Variants in TPTE2 observed in about 807,000 individuals in gnomAD.
TPTE2 encodes the protein transmembrane phosphoinositide 3-phosphatase and tensin homolog 2, also known as phosphatidylinositol 3,4,5-trisphosphate 3-phosphatase TPTE2.
A neutral mutation model predicts 78.6 loss-of-function variants in TPTE2; 53 were observed. The ratio of observed to expected loss-of-function variants is 0.67; its 90% CI spans 0.54 to 0.85. The LOEUF is 0.85. TPTE2 is among the 40% of genes least tolerant of loss of function. The probability of loss-of-function intolerance (pLI) is 0.00; values close to 1 mark genes in which losing one functional copy is unlikely to be tolerated. For synonymous variants in TPTE2, 175 were observed against 206.2 expected (o/e 0.85, Z 1.30); for missense variants, 461 against 623.0 (o/e 0.74, Z 2.77).
At chr13:19,500,069 C>T (rs1477666206) in intron 1 of TPTE2, among the ~76,000 whole-genome samples, 4 of 151,368 alleles carry the variant, frequency 2.6e-5, no homozygotes, top group Admixed American at 6.6e-5. Context: ...ATAAATTCCT[C>T]GACACATACA....
chr13:19,536,497 A>G (rs1412255827), intron 1 of TPTE2: 3 of 152,132 alleles, frequency 2.0e-5, no homozygotes, highest in Non-Finnish European at 4.4e-5. Flanking sequence ...GCTTTTCTTT[A>G]TAGTTTTATC....
the TPTE2 span, among the ~76,000 whole-genome samples, chr13:19,551,453 G>T: frequency 6.6e-6 from 1 of 152,008 alleles, no homozygotes; most frequent in Non-Finnish European, 1.5e-5. Flanking sequence ...AGCTGGGTGT[G>T]GTGACACACG....
At chr13:19,521,647 G>A (rs935395666) in intron 1 of TPTE2, among the ~76,000 whole-genome samples, 14 of 151,436 alleles carry the variant, frequency 9.2e-5, no homozygotes, top group African/African-American at 3.1e-4. Context: ...CTTTTACTAC[G>A]TTTTTGAGTT....
chr13:19,449,494 A>G (rs2137527286), intron 13 of TPTE2, among the ~76,000 whole-genome samples: 1 of 152,344 alleles, frequency 6.6e-6, no homozygotes, highest in African/African-American at 2.4e-5. Flanking sequence ...GAATAAGTTC[A>G]GGAAATTTAT....
At chr13:19,472,623 T>G (rs181982224) in intron 6 of TPTE2, among the ~76,000 whole-genome samples, 6 of 152,352 alleles carry the variant, frequency 3.9e-5, no homozygotes, top group Admixed American at 3.9e-4. Flanking sequence ...TTTCTTTGTC[T>G]AAAAGGTCAC....
intron 17 of TPTE2, among the ~76,000 whole-genome samples, chr13:19,427,040 G>C (rs939740457): frequency 8.3e-6 from 1 of 120,374 alleles, no homozygotes; most frequent in African/African-American, 3.0e-5. Flanking sequence ...CATGTTTAGG[G>C]TTATCATGAA....
chr13:19,459,754 A>G (rs1359731451), intron 10 of TPTE2, among the ~76,000 whole-genome samples: 18 of 152,282 alleles, frequency 1.2e-4, no homozygotes, highest in African/African-American at 4.1e-4. Flanking sequence ...TGCTTAAAGA[A>G]GCAGTCTGGT....
rs202027026 is a variant in TPTE2, at chr13:19,424,932, C to T, written c.1466+15G>A. The T allele has an allele frequency of 7.1e-7, 1 of 1,410,546 alleles. No homozygotes were observed. Among genetic ancestry groups the T allele is most frequent in the Non-Finnish European group, 9.7e-7 (1 of 1,026,830 alleles). 87.4% of individuals were successfully genotyped at this position (1,410,546 alleles called of 1,614,324 possible). ...AAGATTAGGCTGTTTCTATGGGTTT[C>T]TATTATATTCATACCTGTTATTTTG... On this transcript the variant is annotated intron_variant, in intron 19 of 19. Coordinates refer to ENST00000400230, the Ensembl canonical transcript of TPTE2.
the TPTE2 span, among the ~76,000 whole-genome samples, chr13:19,554,481 C>T: frequency 1.3e-5 from 2 of 151,690 alleles, no homozygotes; most frequent in Admixed American, 6.6e-5. Flanking sequence ...ATCAGTATCC[C>T]ATTTTATATA....
chr13:19,538,832 A>C (rs1871354600), upstream of TPTE2, among the ~76,000 whole-genome samples: 3 of 152,154 alleles, frequency 2.0e-5, no homozygotes, highest in Admixed American at 2.0e-4. Flanking sequence ...CAAACATTTT[A>C]AATCTTGTTT....
intron 15 of TPTE2, 34 bp downstream of exon 18, chr13:19,436,192 T>C (rs1555247781): frequency 1.9e-6 from 3 of 1,571,780 alleles, no homozygotes; most frequent in South Asian, 2.3e-5. Context: ...CCCACTCCCC[T>C]AAAAAAACTC....
At chr13:19,511,023 G>A (rs1268587085) in intron 1 of TPTE2, among the ~76,000 whole-genome samples, 1 of 152,182 alleles carries the variant, frequency 6.6e-6, no homozygotes, top group East Asian at 1.9e-4. Flanking sequence ...CTGATGAGAT[G>A]CAGACTGGTG....
At chr13:19,536,197 C>G (rs1186383250) in intron 1 of TPTE2, among the ~76,000 whole-genome samples, 1 of 152,022 alleles carries the variant, frequency 6.6e-6, no homozygotes, top group Non-Finnish European at 1.5e-5. Context: ...TCTGATAATT[C>G]TGAGACTCTA....
rs1446740353 is a variant in TPTE2, at chr13:19,498,624, A to G, written c.11+4600T>C. 1.1e-4 allele frequency among the ~76,000 whole-genome samples: 16 copies of G among 152,088 alleles called. No homozygotes were observed. In the East Asian group the frequency reaches 1.4e-3, roughly 13 times the overall value. On this transcript the variant is annotated intron_variant, in intron 1 of 19. Transcript: ENST00000400230. ...GAGAGATTTTGTCACCACCAGGCTT[A>G]CCCTAAAAGAGCTCCTGAAGGAAGC...
Position 19,423,184 on chromosome 13 carries a change from AT to A in TPTE2, c.1467-21del. ...CAAAGCCTAAGAATAGAAAAAAAAA[AT>A]TACATTTTATATTGGGGCTCACCAA... On this transcript the variant is annotated intron_variant, in intron 19 of 19. Transcript: ENST00000400230. The A allele has an allele frequency of 6.3e-7, 1 of 1,576,446 alleles. No homozygotes were observed. The highest frequency in any genetic ancestry group is 1.4e-5 in the African/African-American group (1 of 72,940).
At chr13:19,536,411 T>C (rs1871214275) in intron 1 of TPTE2, among the ~76,000 whole-genome samples, 1 of 152,208 alleles carries the variant, frequency 6.6e-6, no homozygotes, top group African/African-American at 2.4e-5. Context: ...GCCATCCAAC[T>C]TGAGGAACAG....
intron 18 of TPTE2, among the ~76,000 whole-genome samples, 185 bp from the exon 22 acceptor site, chr13:19,425,202 T>C (rs1386352442): frequency 2.0e-5 from 3 of 152,226 alleles, no homozygotes; most frequent in East Asian, 1.9e-4. Context: ...GAAAATGCTA[T>C]TGCATTCTCT....
At chr13:19,465,226 A>C (rs767824869) in intron 9 of TPTE2, 29 bp downstream of exon 12, 1 of 1,613,446 alleles carries the variant, frequency 6.2e-7, no homozygotes, top group South Asian at 1.1e-5. Context: ...GAAGTAATAC[A>C]AGTAAATCAA....
intron 1 of TPTE2, among the ~76,000 whole-genome samples, chr13:19,536,070 A>T (rs554419378): frequency 2.6e-5 from 4 of 152,214 alleles, no homozygotes; most frequent in African/African-American, 9.6e-5. Flanking sequence ...ACGAATGCCA[A>T]CCTTAAAAGA....
Sources: gnomAD v4.1 joint callset for allele counts (sites outside exome capture counted in the v4.1 genomes callset) on GRCh38, gnomAD v4.1.1 for gene constraint, MANE v1.5 for transcripts, NCBI Gene and HGNC (gene_info 2026-07-23, HGNC 2026-07-21) for gene names.